The following DCDC1 variants were observed in gnomAD, a reference collection of about 807,000 sequenced individuals.
DCDC1 encodes doublecortin domain containing 1, also known as doublecortin domain-containing protein 1.
A neutral mutation model predicts 178.3 loss-of-function variants in DCDC1; 200 were observed. The observed-to-expected ratio is 1.12, with a 90% CI of 1.00 to 1.26. The LOEUF (loss-of-function observed/expected upper bound fraction) is 1.26, where lower values mean the gene tolerates loss of function less well. Among genes scored for constraint, DCDC1 ranks in the 50% most tolerant of loss-of-function variants. The pLI, the probability that DCDC1 is intolerant of heterozygous loss-of-function variation, is 0.00. For missense variants in DCDC1, 1,983 were observed against 1,749.2 expected, an observed-to-expected ratio of 1.13 and a Z score of -2.38; for synonymous variants, 690 against 604.8, an observed-to-expected ratio of 1.14 and a Z score of -2.07.
chr11:31,205,917 T>C (rs1205886835), intron 9 of DCDC1, among the ~76,000 whole-genome samples: 1 of 152,212 alleles, frequency 6.6e-6, no homozygotes, highest in Non-Finnish European at 1.5e-5. Context: ...ACCCTACTTC[T>C]ATCTCAAAAG....
chr11:31,183,342 T>G (rs1407466003), intron 9 of DCDC1, among the ~76,000 whole-genome samples: 1 of 152,164 alleles, frequency 6.6e-6, no homozygotes, highest in East Asian at 1.9e-4. Context: ...ACCACATAAT[T>G]GGAAGTAAAA....
At chr11:31,209,783 T>C (rs1303958461) in intron 9 of DCDC1, among the ~76,000 whole-genome samples, 1 of 152,086 alleles carries the variant, frequency 6.6e-6, no homozygotes, top group Non-Finnish European at 1.5e-5. Flanking sequence ...GAAAGGTATG[T>C]CAAGAGAGTA....
At chr11:31,338,854 CA>C (rs1481653295) in intron 1 of DCDC1, among the ~76,000 whole-genome samples, 1 of 152,194 alleles carries the variant, frequency 6.6e-6, no homozygotes, top group African/African-American at 2.4e-5. Context: ...ACTAGCCCTC[CA>C]GACTTTTATA....
intron 20 of DCDC1, among the ~76,000 whole-genome samples, chr11:31,015,373 T>C (rs1414689700): frequency 2.0e-5 from 3 of 152,216 alleles, no homozygotes; most frequent in Non-Finnish European, 4.4e-5. Context: ...AATTGTTTCC[T>C]GGTAATAATG....
chr11:31,055,038 G>A (rs1379721516), intron 20 of DCDC1, among the ~76,000 whole-genome samples: 1 of 152,152 alleles, frequency 6.6e-6, no homozygotes, highest in Admixed American at 6.6e-5. Context: ...ACAGTCAGCA[G>A]AGTAAACAGA....
chr11:31,254,392 G>A lies in DCDC1; in HGVS notation c.1054+11115C>T, dbSNP rs547716122. On this transcript the variant is annotated intron_variant, in intron 8 of 38. Transcript: ENST00000684477. The stretch of plus-strand genomic sequence containing the variant: ...AAATCGAGAATGTGCAGATTGTCAT[G>A]AAATGTAACATTTTGAACAACAAAA... 8.2e-4 allele frequency among the ~76,000 whole-genome samples: 125 copies of A among 152,262 alleles called. 1 individual carries two copies. The highest frequency in any genetic ancestry group is 3.4e-3 in the Middle Eastern group (1 of 294).
At chr11:31,016,329 A>G (rs1328732159) in intron 20 of DCDC1, among the ~76,000 whole-genome samples, 1 of 152,184 alleles carries the variant, frequency 6.6e-6, no homozygotes, top group African/African-American at 2.4e-5. Flanking sequence ...TGATTCCATT[A>G]ATTCTCAGAC....
chr11:31,221,980 C>G (rs1974329002), intron 9 of DCDC1, among the ~76,000 whole-genome samples: 1 of 152,176 alleles, frequency 6.6e-6, no homozygotes, highest in Admixed American at 6.6e-5. Context: ...GTTCTACCTT[C>G]TGCGAAACAC....
In DCDC1 at chr11:30,915,493, C is replaced by A. The variant is rs1399731222; in HGVS notation, c.3653+18G>T. 6.2e-7 allele frequency: 1 copy of A among 1,613,518 alleles called. No homozygotes were observed. The highest frequency in any genetic ancestry group is 1.7e-5 in the Admixed American group (1 of 59,984). The stretch of plus-strand genomic sequence containing the variant: ...TATTCACCTTTTGATATAGTAAACC[C>A]AAATATAATGGGATTACCTGCTGTC... On this transcript the variant is annotated intron_variant, in intron 27 of 38. Coordinates refer to ENST00000684477, the MANE Select transcript of DCDC1 (RefSeq NM_001387274.1).
intron 20 of DCDC1, among the ~76,000 whole-genome samples, chr11:30,969,289 G>C (rs544654067): frequency 1.3e-5 from 2 of 152,132 alleles, no homozygotes; most frequent in Non-Finnish European, 2.9e-5. Context: ...AGTGTCCTTA[G>C]AAGAGAGAGG....
chr11:31,262,776 A>T (rs1396569055), intron 8 of DCDC1: 1 of 309,156 alleles, frequency 3.2e-6, no homozygotes, highest in African/African-American at 2.1e-5. Context: ...AGAAACAAAG[A>T]AAAAAGAAGT....
intron 36 of DCDC1, among the ~76,000 whole-genome samples, chr11:30,887,667 A>G (rs144136635): frequency 8.4e-4 from 128 of 152,266 alleles, no homozygotes; most frequent in African/African-American, 2.7e-3. Context: ...TAAGTATGTT[A>G]AACAGAAGCA....
chr11:30,917,206 T>C (rs1399786105), intron 25 of DCDC1, among the ~76,000 whole-genome samples, 178 bp from the exon 26 acceptor site: 1 of 152,214 alleles, frequency 6.6e-6, no homozygotes, highest in Non-Finnish European at 1.5e-5. Context: ...TTTAGATCTT[T>C]TAATATAAGG....
intron 9 of DCDC1, among the ~76,000 whole-genome samples, chr11:31,153,561 T>C (rs1359061080): frequency 1.3e-5 from 2 of 151,916 alleles, no homozygotes; most frequent in Admixed American, 6.6e-5. Context: ...GGCGGGCGGA[T>C]CACTTGAGGT....
intron 2 of DCDC1, among the ~76,000 whole-genome samples, chr11:31,332,276 CTTT>C (rs1312919927): frequency 6.6e-6 from 1 of 152,128 alleles, no homozygotes; most frequent in East Asian, 1.9e-4. Flanking sequence ...CCCTTTTCTT[CTTT>C]ATCAGTCTTG....
At chr11:31,291,499 A>C (rs942861182) in intron 6 of DCDC1, among the ~76,000 whole-genome samples, 1 of 152,080 alleles carries the variant, frequency 6.6e-6, no homozygotes, top group Non-Finnish European at 1.5e-5. Flanking sequence ...AACTCCCACT[A>C]ATATAAACAG....
intron 17 of DCDC1, among the ~76,000 whole-genome samples, chr11:31,086,484 T>G (rs1434884595): frequency 6.6e-6 from 1 of 152,206 alleles, no homozygotes; most frequent in East Asian, 1.9e-4. Flanking sequence ...TTGCATCTTG[T>G]GTGTGGCTTG....
intron 20 of DCDC1, among the ~76,000 whole-genome samples, chr11:31,014,798 T>G (rs1952384146): frequency 6.6e-6 from 1 of 152,098 alleles, no homozygotes; most frequent in African/African-American, 2.4e-5. Context: ...CAAGCACTAC[T>G]TTTAAGGGAG....
chr11:31,333,463 C>G (rs1267616348), intron 2 of DCDC1, among the ~76,000 whole-genome samples: 3 of 152,180 alleles, frequency 2.0e-5, no homozygotes, highest in Non-Finnish European at 2.9e-5. Context: ...GCTGCAGTTT[C>G]TTCCTAGCAT....
Sources: gnomAD v4.1 joint callset for allele counts (sites outside exome capture counted in the v4.1 genomes callset) on GRCh38, gnomAD v4.1.1 for gene constraint, MANE v1.5 for transcripts, NCBI Gene and HGNC (gene_info 2026-07-23, HGNC 2026-07-21) for gene names.